TMEM178B: variants seen among roughly 807,000 people sequenced by gnomAD.
TMEM178B encodes the protein transmembrane protein 178B.
In TMEM178B, 5 loss-of-function variants were observed where a neutral mutation model predicts 31.0. The observed-to-expected ratio is 0.16, with a 90% CI of 0.08 to 0.34. The LOEUF is 0.34. TMEM178B is among the 10% of genes least tolerant of loss of function. The pLI, the probability that TMEM178B is intolerant of heterozygous loss-of-function variation, is 1.00. For missense variants in TMEM178B, 275 were observed against 400.3 expected, an observed-to-expected ratio of 0.69 and a Z score of 2.67; for synonymous variants, 164 against 164.0, an observed-to-expected ratio of 1.00 and a Z score of 0.00.
At chr7:141,112,515 A>G (rs118079834) in intron 1 of TMEM178B, among the ~76,000 whole-genome samples, 1,994 of 152,332 alleles carry the variant, frequency 0.013, 17 homozygotes, top group South Asian at 0.026. Flanking sequence ...TGGCTTCCCA[A>G]AGTTCTGAGA....
chr7:141,337,069 TACC>T (rs1323164512), intron 2 of TMEM178B, among the ~76,000 whole-genome samples: 3 of 11,360 alleles, frequency 2.6e-4, no homozygotes, highest in East Asian at 2.3e-3. Flanking sequence ...CCACCATCAC[TACC>T]ACCACCACCA....
intron 2 of TMEM178B, among the ~76,000 whole-genome samples, chr7:141,319,931 G>A (rs1799069694): frequency 1.3e-5 from 2 of 152,178 alleles, no homozygotes; most frequent in Admixed American, 1.3e-4. Context: ...TAGGATCAGT[G>A]TGGTTGATAT....
chr7:141,122,672 A>G (rs1340260871), intron 1 of TMEM178B, among the ~76,000 whole-genome samples: 1 of 152,238 alleles, frequency 6.6e-6, no homozygotes, highest in Non-Finnish European at 1.5e-5. Context: ...AATATTATTT[A>G]TGGTATGGGA....
At chr7:141,412,223 A>G (rs1801004250) in intron 2 of TMEM178B, among the ~76,000 whole-genome samples, 1 of 152,258 alleles carries the variant, frequency 6.6e-6, no homozygotes, top group South Asian at 2.1e-4. Context: ...TCCTTAGAAC[A>G]GTGTTTTATT....
rs542765231 is a variant in TMEM178B at position 141,475,135 on chromosome 7, G to C, written c.*4349G>C. 3.7e-4 allele frequency: 56 copies of C among 152,426 alleles called. No individual in the cohort carries two copies. Among genetic ancestry groups the C allele is most frequent in the African/African-American group, 1.3e-3 (54 of 41,596 alleles). The allele number at this position is 152,426 out of a possible 1,614,324, so 9.4% of individuals were successfully genotyped here. ...AGGGAAATACGATGTTTCTGAGTGA[G>C]AGGTGATTTCAGTGCAGATAGGAAG... is the stretch of plus-strand genomic sequence containing the variant. On this transcript the variant is annotated 3_prime_UTR_variant, in exon 4 of 4. Transcript: ENST00000565468.
At chr7:141,250,464 C>G (rs1797812421) in intron 2 of TMEM178B, among the ~76,000 whole-genome samples, 1 of 152,098 alleles carries the variant, frequency 6.6e-6, no homozygotes, top group Non-Finnish European at 1.5e-5. Context: ...ATGTCCTCTC[C>G]GTGTAATTGG....
At chr7:141,129,468 C>T (rs1029138820) in intron 1 of TMEM178B, among the ~76,000 whole-genome samples, 4 of 152,146 alleles carry the variant, frequency 2.6e-5, no homozygotes, top group Non-Finnish European at 1.5e-5. Context: ...ACCCATGTCA[C>T]CAGCACTCAG....
At chr7:141,304,638 A>C (rs549564150) in intron 2 of TMEM178B, among the ~76,000 whole-genome samples, 1 of 151,894 alleles carries the variant, frequency 6.6e-6, no homozygotes, top group East Asian at 1.9e-4. Flanking sequence ...CTGCTGCCCA[A>C]CTCCCTGTTG....
intron 2 of TMEM178B, among the ~76,000 whole-genome samples, chr7:141,427,350 G>C (rs1275525301): frequency 6.6e-6 from 1 of 152,076 alleles, no homozygotes; most frequent in Non-Finnish European, 1.5e-5. Context: ...GCATGGTACT[G>C]GCATAAAAAC....
chr7:141,083,998 C>T (rs1343993385), intron 1 of TMEM178B, among the ~76,000 whole-genome samples: 1 of 151,986 alleles, frequency 6.6e-6, no homozygotes, highest in Non-Finnish European at 1.5e-5. Context: ...AGAGATGGGG[C>T]TTTGCCATTT....
chr7:141,503,871 A>G, the TMEM178B span, among the ~76,000 whole-genome samples: 1 of 152,242 alleles, frequency 6.6e-6, no homozygotes, highest in Admixed American at 6.5e-5. Context: ...TTTTATCACC[A>G]GATTGAAAGA....
the TMEM178B span, among the ~76,000 whole-genome samples, chr7:141,492,765 G>C: frequency 6.6e-6 from 1 of 152,162 alleles, no homozygotes; most frequent in Non-Finnish European, 1.5e-5. Context: ...CCCTCTTCCT[G>C]TTCTCACAAA....
chr7:141,124,365 T>TA (rs930243991), intron 1 of TMEM178B, among the ~76,000 whole-genome samples: 139 of 148,560 alleles, frequency 9.4e-4, no homozygotes, highest in African/African-American at 2.2e-3. Flanking sequence ...AGACTCTGAC[T>TA]AAAAAAAAAA....
At chr7:141,217,735 G>T (rs1034973473) in intron 2 of TMEM178B, among the ~76,000 whole-genome samples, 16 of 152,118 alleles carry the variant, frequency 1.1e-4, no homozygotes, top group Admixed American at 5.9e-4. Flanking sequence ...TGTTACTAAG[G>T]TTCCCTCAGG....
intron 2 of TMEM178B, chr7:141,431,402 T>G (rs981609074): frequency 1.3e-5 from 2 of 152,174 alleles, no homozygotes; most frequent in African/African-American, 4.8e-5. Context: ...GGAGAACAGC[T>G]TTTTCTGGTT....
chr7:141,333,177 C>T (rs1158456435), intron 2 of TMEM178B, among the ~76,000 whole-genome samples: 13 of 152,162 alleles, frequency 8.5e-5, no homozygotes, highest in Admixed American at 7.9e-4. Context: ...TTGAAAACAG[C>T]GTTAGACATA....
chr7:141,483,985 C>T (rs1802519731), downstream of TMEM178B, among the ~76,000 whole-genome samples: 1 of 152,156 alleles, frequency 6.6e-6, no homozygotes, highest in South Asian at 2.1e-4. Context: ...ATCCACACGT[C>T]TCGGCCTCCC....
chr7:141,096,764 G>A (rs1794966495), intron 1 of TMEM178B, among the ~76,000 whole-genome samples: 2 of 152,246 alleles, frequency 1.3e-5, no homozygotes, highest in African/African-American at 4.8e-5. Context: ...ACCCAAAAGG[G>A]GATCATGGGA....
chr7:141,331,789 T>C (rs1262366987), intron 2 of TMEM178B, among the ~76,000 whole-genome samples: 1 of 152,180 alleles, frequency 6.6e-6, no homozygotes, highest in Non-Finnish European at 1.5e-5. Context: ...CTGCTGAACC[T>C]TCAGAAAGGG....
Sources: allele counts gnomAD v4.1 joint callset (sites outside exome capture counted in the v4.1 genomes callset), GRCh38; gene constraint gnomAD v4.1.1; transcripts MANE v1.5; gene names NCBI Gene and HGNC (gene_info 2026-07-23, HGNC 2026-07-21).